Variants in NKAIN3 observed in about 807,000 individuals in gnomAD.
NKAIN3 encodes sodium/potassium-transporting ATPase subunit beta-1-interacting protein 3.
Under a neutral mutation model 30.2 loss-of-function variants are expected in NKAIN3, and 25 were observed. The ratio of observed to expected loss-of-function variants is 0.83; its 90% confidence interval spans 0.60 to 1.16. NKAIN3 has a LOEUF of 1.16. Among genes scored for constraint, NKAIN3 ranks in the 50% most tolerant of loss-of-function variants. The pLI is 0.00. For missense variants in NKAIN3, 225 were observed against 254.1 expected (o/e 0.89, Z 0.78); for synonymous variants, 91 against 89.6 (o/e 1.02, Z -0.09).
chr8:62,973,983 G>A lies in NKAIN3; in HGVS notation c.*8576G>A, dbSNP rs900812258. On this transcript the variant is annotated 3_prime_UTR_variant, in exon 7 of 7. Coordinates refer to ENST00000623646, the MANE Select transcript of NKAIN3 (RefSeq NM_001304533.3). ...AAAGATCAGATGGTTGTAGATGTGTGGTGTTATTTCTGAGGCCTCTGTTCT... is the reference window on the plus strand; with the variant it reads ...AAAGATCAGATGGTTGTAGATGTGTAGTGTTATTTCTGAGGCCTCTGTTCT... 1.3e-5 allele frequency among the ~76,000 whole-genome samples: 2 copies of A among 152,074 alleles called. No individual in the cohort carries two copies. Among genetic ancestry groups the A allele is most frequent in the Non-Finnish European group, 2.9e-5 (2 of 67,996 alleles).
chr8:62,986,247 C>A (rs778481428), downstream of NKAIN3, among the ~76,000 whole-genome samples: 4 of 152,180 alleles, frequency 2.6e-5, no homozygotes, highest in Admixed American at 2.6e-4. Flanking sequence ...AACATCTGAG[C>A]CCCTAGTCCA....
At chr8:62,898,733 A>G (rs1320520235) in intron 4 of NKAIN3, among the ~76,000 whole-genome samples, 1 of 152,200 alleles carries the variant, frequency 6.6e-6, no homozygotes, top group Non-Finnish European at 1.5e-5. Flanking sequence ...GACAAATGGG[A>G]TCACATAAAG....
intron 4 of NKAIN3, among the ~76,000 whole-genome samples, chr8:62,880,680 A>C (rs191904069): frequency 1.3e-5 from 2 of 152,322 alleles, no homozygotes; most frequent in East Asian, 3.9e-4. Context: ...GTTTTATGAC[A>C]AAGACAACAC....
At chr8:62,511,200 A>G (rs534568093) in intron 1 of NKAIN3, among the ~76,000 whole-genome samples, 3 of 152,086 alleles carry the variant, frequency 2.0e-5, no homozygotes, top group Admixed American at 6.5e-5. Flanking sequence ...CCAACAAATC[A>G]CTTCTCATTC....
chr8:62,545,938 A>G (rs903233588), intron 1 of NKAIN3, among the ~76,000 whole-genome samples: 4 of 152,242 alleles, frequency 2.6e-5, no homozygotes, highest in African/African-American at 9.6e-5. Context: ...CGTTTCTTCA[A>G]ACTCTTACTA....
chr8:62,772,967 CT>C (rs1247600602), intron 4 of NKAIN3, among the ~76,000 whole-genome samples: 4 of 152,004 alleles, frequency 2.6e-5, no homozygotes, highest in African/African-American at 9.6e-5. Context: ...CTCTTTTGCC[CT>C]TTTTTTATTG....
intron 1 of NKAIN3, among the ~76,000 whole-genome samples, chr8:62,249,922 C>T (rs1240311150): frequency 6.6e-6 from 1 of 152,196 alleles, no homozygotes; most frequent in Non-Finnish European, 1.5e-5. Context: ...GGATCCTGGA[C>T]TGGCTCTGTG....
intron 1 of NKAIN3, among the ~76,000 whole-genome samples, chr8:62,400,356 G>A (rs182349096): frequency 1.1e-3 from 173 of 152,020 alleles, no homozygotes; most frequent in African/African-American, 4.1e-3. Context: ...ATTTTTAGTA[G>A]AGATGGGGTT....
chr8:62,829,742 T>TTATAGATA (rs150752664), intron 4 of NKAIN3, among the ~76,000 whole-genome samples: 1 of 150,266 alleles, frequency 6.7e-6, no homozygotes, highest in Admixed American at 6.6e-5. Context: ...GATAGATAGA[T>TTATAGATA]GATAGATAGA....
At chr8:62,699,700 T>TAA (rs1814270835) in intron 3 of NKAIN3, among the ~76,000 whole-genome samples, 1 of 152,210 alleles carries the variant, frequency 6.6e-6, no homozygotes, top group Non-Finnish European at 1.5e-5. Context: ...TTATTAACAT[T>TAA]CCTGGAGTTA....
At chr8:62,787,086 T>C (rs1817543515) in intron 4 of NKAIN3, among the ~76,000 whole-genome samples, 1 of 152,196 alleles carries the variant, frequency 6.6e-6, no homozygotes, top group Admixed American at 6.6e-5. Context: ...AAAATACTTT[T>C]CTTGAGATGA....
chr8:62,952,995 T>C (rs1823327457), intron 5 of NKAIN3, among the ~76,000 whole-genome samples: 1 of 152,130 alleles, frequency 6.6e-6, no homozygotes, highest in South Asian at 2.1e-4. Context: ...ATAGATACTA[T>C]TTATGGGTTT....
chr8:62,272,279 T>C (rs1430775307), intron 1 of NKAIN3, among the ~76,000 whole-genome samples: 2 of 152,136 alleles, frequency 1.3e-5, no homozygotes, highest in Non-Finnish European at 2.9e-5. Context: ...TAAGCCTGTG[T>C]GGAGACAAGT....
chr8:62,942,037 C>T (rs1212578298), intron 5 of NKAIN3, among the ~76,000 whole-genome samples: 1 of 151,676 alleles, frequency 6.6e-6, no homozygotes, highest in Non-Finnish European at 1.5e-5. Context: ...CAAAAAGAAC[C>T]TAGAACTGAT....
intron 4 of NKAIN3, among the ~76,000 whole-genome samples, chr8:62,773,310 A>G (rs2130640344): frequency 6.6e-6 from 1 of 152,266 alleles, no homozygotes; most frequent in African/African-American, 2.4e-5. Flanking sequence ...TTATTGAAGA[A>G]TCTGTCCTTT....
rs535026737 is a variant in NKAIN3 at position 62,470,785 on chromosome 8, A to G, written c.55-108754A>G. ...AAGCAGAAAGCCTACTCTCTCACAT[A>G]CAAAAAATATTATTTTATATTCTTT... On this transcript the variant is annotated intron_variant, in intron 1 of 6. Transcript: ENST00000623646. 4.6e-5 allele frequency among the ~76,000 whole-genome samples: 7 copies of G among 152,270 alleles called. 1 individual carries two copies. Among genetic ancestry groups the G allele is most frequent in the Admixed American group, 4.6e-4 (7 of 15,294 alleles).
In NKAIN3 at chr8:62,617,694, G is replaced by A. The variant is rs1811501015; in HGVS notation, c.273+27900G>A. 2.6e-5 allele frequency among the ~76,000 whole-genome samples: 4 copies of A among 152,236 alleles called. No individual in the cohort carries two copies. In the South Asian group the frequency reaches 8.3e-4, roughly 32 times the overall value. ...CCAAATGATATCTGGAAAATGTTGT[G>A]CTTAATCCTGAGCTGCTCACTCCAA... On this transcript the variant is annotated intron_variant, in intron 3 of 6. Coordinates refer to ENST00000623646, the MANE Select transcript of NKAIN3 (RefSeq NM_001304533.3).
chr8:62,534,437 C>T (rs1473918908), intron 1 of NKAIN3, among the ~76,000 whole-genome samples: 1 of 152,158 alleles, frequency 6.6e-6, no homozygotes, highest in Non-Finnish European at 1.5e-5. Context: ...TACCCACCAG[C>T]ACGTCATTTG....
intron 3 of NKAIN3, among the ~76,000 whole-genome samples, chr8:62,607,286 G>A (rs1811157769): frequency 1.3e-5 from 2 of 152,136 alleles, no homozygotes; most frequent in Admixed American, 1.3e-4. Flanking sequence ...AGTTTATGAA[G>A]AACTGATTTT....
Sources: allele counts gnomAD v4.1 joint callset (sites outside exome capture counted in the v4.1 genomes callset), GRCh38; gene constraint gnomAD v4.1.1; transcripts MANE v1.5; gene names NCBI Gene and HGNC (gene_info 2026-07-23, HGNC 2026-07-21).